SLC26A7: variants seen among roughly 807,000 people sequenced by gnomAD.
SLC26A7 encodes the protein solute carrier family 26 member 7.
SLC26A7 carries 59 observed loss-of-function variants against 82.5 expected under a neutral mutation model. That is an observed-to-expected ratio of 0.72 (90% CI 0.58 to 0.89). SLC26A7 has a LOEUF of 0.89. Among genes scored for constraint, SLC26A7 ranks in the 40% least tolerant of loss-of-function variants. The pLI is 0.00. For missense variants in SLC26A7, 820 were observed against 793.0 expected, an observed-to-expected ratio of 1.03 and a Z score of -0.41; for synonymous variants, 271 against 274.3, an observed-to-expected ratio of 0.99 and a Z score of 0.12.
chr8:91,304,696 T>C (rs1211221324), intron 4 of SLC26A7, among the ~76,000 whole-genome samples: 1 of 152,200 alleles, frequency 6.6e-6, no homozygotes, highest in Non-Finnish European at 1.5e-5. Flanking sequence ...TCTAAACTAG[T>C]GTTGACAAAG....
At position 91,366,668 on chromosome 8, in the gene SLC26A7, T is replaced by C; in HGVS notation, c.1577T>C (p.Met526Thr). ...AKKFYTDLMN[M>T]IQKENACNQP... Reference sequence around the variant, plus strand: ...AAATTTTATACTGATTTAATGAACATGATCCAAAAGGAAAATGCCTGTAAT... The same window carrying C: ...AAATTTTATACTGATTTAATGAACACGATCCAAAAGGAAAATGCCTGTAAT... Residue 526 changes from methionine to threonine, a missense_variant, in exon 14 of 19, where the codon ATG (methionine) becomes ACG (threonine). By Grantham distance (81) the Met-to-Thr change is moderately conservative (BLOSUM62 -1). Transcript: ENST00000276609. 1.2e-6 allele frequency: 2 copies of C among 1,613,602 alleles called. No individual in the cohort carries two copies. The highest frequency in any genetic ancestry group is 2.2e-5 in the South Asian group (2 of 91,002).
intron 2 of SLC26A7, among the ~76,000 whole-genome samples, chr8:91,280,183 C>T (rs1282733562): frequency 6.6e-6 from 1 of 152,122 alleles, no homozygotes; most frequent in Non-Finnish European, 1.5e-5. Flanking sequence ...GTGCCCAGAC[C>T]AATGTCATGG....
intron 2 of SLC26A7, among the ~76,000 whole-genome samples, chr8:91,252,657 C>T (rs1451974147): frequency 6.6e-6 from 1 of 151,846 alleles, no homozygotes; most frequent in Non-Finnish European, 1.5e-5. Context: ...ATGAAACTTT[C>T]TTCTCAACTT....
intron 2 of SLC26A7, among the ~76,000 whole-genome samples, chr8:91,221,588 A>G (rs1383684004): frequency 6.6e-6 from 1 of 151,926 alleles, no homozygotes; most frequent in Admixed American, 6.5e-5. Flanking sequence ...TGTTCTGCAT[A>G]TGGCTAGCCA....
intron 4 of SLC26A7, among the ~76,000 whole-genome samples, chr8:91,307,242 G>A (rs1237336406): frequency 4.8e-4 from 44 of 91,062 alleles, no homozygotes; most frequent in South Asian, 9.5e-4. Context: ...TCAGTGTGGC[G>A]ATTCCTCAGG....
Position 91,318,384 on chromosome 8 carries a change from A to G in SLC26A7, c.642+4A>G. The G allele has an allele frequency of 6.3e-7, 1 of 1,595,720 alleles. No individual in the cohort carries two copies. Among genetic ancestry groups the G allele is most frequent in the Non-Finnish European group, 8.6e-7 (1 of 1,168,550 alleles). ...CGGACCACTTGGATTCTTTTATGTG[A>G]GTTTTTCGTATGCTTTCATACATAT... On this transcript the variant is annotated splice_donor_region_variant and intron_variant, in intron 5 of 18. Coordinates refer to ENST00000276609, the MANE Select transcript of SLC26A7 (RefSeq NM_052832.4).
chr8:91,390,531 C>G (rs949036724), intron 16 of SLC26A7, among the ~76,000 whole-genome samples: 2 of 152,112 alleles, frequency 1.3e-5, no homozygotes, highest in Non-Finnish European at 2.9e-5. Flanking sequence ...AGCATCTGTT[C>G]TTTGGTTTCC....
At chr8:91,336,741 T>A (rs1813255341) in intron 6 of SLC26A7, among the ~76,000 whole-genome samples, 1 of 152,070 alleles carries the variant, frequency 6.6e-6, no homozygotes. Context: ...GGTAAAGAAA[T>A]ACAGGGAGGA....
intron 15 of SLC26A7, among the ~76,000 whole-genome samples, chr8:91,388,101 A>C (rs1056578043): frequency 1.3e-5 from 2 of 152,042 alleles, no homozygotes; most frequent in African/African-American, 2.4e-5. Flanking sequence ...TTCATTTTTT[A>C]TTTTACTGCT....
chr8:91,351,039 T>C (rs901725671), intron 9 of SLC26A7, among the ~76,000 whole-genome samples: 1 of 152,166 alleles, frequency 6.6e-6, no homozygotes, highest in African/African-American at 2.4e-5. Flanking sequence ...GATATCTCCA[T>C]AATGATGTTC....
chr8:91,362,323 C>T, intron 11 of SLC26A7, 30 bp from the exon 12 acceptor site: 1 of 1,552,658 alleles, frequency 6.4e-7, no homozygotes, highest in Non-Finnish European at 8.8e-7. Context: ...CCAAAGGATT[C>T]ACAACTTCTG....
At chr8:91,293,594 C>T (rs1811935328) in intron 3 of SLC26A7, among the ~76,000 whole-genome samples, 1 of 152,200 alleles carries the variant, frequency 6.6e-6, no homozygotes, top group African/African-American at 2.4e-5. Flanking sequence ...AAATATGACT[C>T]ACACGCAGGT....
chr8:91,369,444 A>G (rs552044626), intron 14 of SLC26A7, among the ~76,000 whole-genome samples: 7 of 152,026 alleles, frequency 4.6e-5, no homozygotes, highest in Non-Finnish European at 8.8e-5. Flanking sequence ...TTAAAATGCA[A>G]TGTTAATAAA....
At chr8:91,358,630 G>A (rs752598072) in intron 11 of SLC26A7, among the ~76,000 whole-genome samples, 22 of 152,068 alleles carry the variant, frequency 1.4e-4, no homozygotes, top group Middle Eastern at 3.4e-3. Flanking sequence ...GCACCTGGCC[G>A]CACACATATG....
At chr8:91,285,398 G>A (rs188918883) in intron 2 of SLC26A7, among the ~76,000 whole-genome samples, 1 of 152,356 alleles carries the variant, frequency 6.6e-6, no homozygotes, top group Non-Finnish European at 1.5e-5. Flanking sequence ...GTGCTTGCAT[G>A]TCTCTTCACA....
chr8:91,348,331 T>C, intron 9 of SLC26A7: 7 of 985,388 alleles, frequency 7.1e-6, no homozygotes, highest in South Asian at 4.7e-5. Context: ...GAACTACTTA[T>C]GCCTTCTTTG....
intron 13 of SLC26A7, among the ~76,000 whole-genome samples, chr8:91,365,211 T>C (rs1814159078): frequency 1.3e-5 from 2 of 151,076 alleles, no homozygotes; most frequent in Admixed American, 1.3e-4. Flanking sequence ...AATTATGTAG[T>C]GCAGGGTTGT....
chr8:91,212,020 ATAAT>A (rs1809936691), intron 1 of SLC26A7, among the ~76,000 whole-genome samples: 1 of 152,152 alleles, frequency 6.6e-6, no homozygotes, highest in South Asian at 2.1e-4. Flanking sequence ...AATCTTGATC[ATAAT>A]TAATCCAGAT....
In SLC26A7 at chr8:91,387,633, A is replaced by T. The variant is rs560013296; in HGVS notation, c.1676-1705A>T. Among the ~76,000 whole-genome samples the T allele has an allele frequency of 1.2e-3, 98 of 80,502 alleles. 1 individual carries two copies. The highest frequency in any genetic ancestry group is 0.011 in the African/African-American group (92 of 8,674). The allele number at this position is 80,502 out of a possible 152,430, so 52.8% of individuals were successfully genotyped here. Reference sequence around the variant, plus strand: ...TACATTACTTCTCCTTTTTGGAATCAATCTGATATATCCTGCAAGGCTGCT... The same window carrying T: ...TACATTACTTCTCCTTTTTGGAATCTATCTGATATATCCTGCAAGGCTGCT... On this transcript the variant is annotated intron_variant, in intron 15 of 18. Coordinates refer to ENST00000276609, the MANE Select transcript of SLC26A7 (RefSeq NM_052832.4).
Sources: gnomAD v4.1 joint callset for allele counts (sites outside exome capture counted in the v4.1 genomes callset) on GRCh38, gnomAD v4.1.1 for gene constraint, MANE v1.5 for transcripts, NCBI Gene and HGNC (gene_info 2026-07-23, HGNC 2026-07-21) for gene names.